TTC28: variants seen among roughly 807,000 people sequenced by gnomAD.
TTC28 encodes the protein tetratricopeptide repeat protein 28.
Under a neutral mutation model 198.0 loss-of-function variants are expected in TTC28, and 61 were observed. The ratio of observed to expected loss-of-function variants is 0.31; its 90% CI spans 0.25 to 0.38. The LOEUF is 0.38. TTC28 is among the 10% of genes least tolerant of loss of function. The pLI is 1.00. For missense variants in TTC28, 2,678 were observed against 3,164.0 expected (o/e 0.85, Z 3.69); for synonymous variants, 1,171 against 1,297.8 (o/e 0.90, Z 2.10).
intron 2 of TTC28, among the ~76,000 whole-genome samples, chr22:28,552,605 G>A (rs764951112): frequency 6.6e-6 from 1 of 152,090 alleles, no homozygotes; most frequent in South Asian, 2.1e-4. Flanking sequence ...CTTTGGCAAA[G>A]TAAACAAAAA....
chr22:28,567,391 A>C (rs1265224100), intron 2 of TTC28, among the ~76,000 whole-genome samples: 1 of 145,892 alleles, frequency 6.9e-6, no homozygotes, highest in Admixed American at 6.9e-5. Flanking sequence ...CCTGTCTCAA[A>C]AAAAAAAAGA....
At chr22:28,317,535 G>A (rs1252421416) in intron 2 of TTC28, among the ~76,000 whole-genome samples, 4 of 152,062 alleles carry the variant, frequency 2.6e-5, no homozygotes, top group East Asian at 1.9e-4. Context: ...CTTCATATGC[G>A]CCACTGAGTG....
At chr22:28,669,564 C>A (rs977599493) in intron 1 of TTC28, among the ~76,000 whole-genome samples, 1 of 152,114 alleles carries the variant, frequency 6.6e-6, no homozygotes, top group Non-Finnish European at 1.5e-5. Flanking sequence ...GAGAACTGGT[C>A]AAAGGGAAGA....
chr22:28,458,182 T>A (rs1293090746), intron 2 of TTC28, among the ~76,000 whole-genome samples: 1 of 152,114 alleles, frequency 6.6e-6, no homozygotes, highest in Non-Finnish European at 1.5e-5. Flanking sequence ...GTTTTAAAGT[T>A]TGACTTCAAA....
intron 5 of TTC28, among the ~76,000 whole-genome samples, chr22:28,242,761 T>A (rs1441268066): frequency 1.3e-5 from 2 of 152,138 alleles, no homozygotes; most frequent in South Asian, 4.1e-4. Flanking sequence ...CTGGATTAAA[T>A]AAGTTTCAAT....
At chr22:28,475,196 A>G (rs1380227796) in intron 2 of TTC28, among the ~76,000 whole-genome samples, 3 of 150,596 alleles carry the variant, frequency 2.0e-5, no homozygotes, top group Non-Finnish European at 4.4e-5. Context: ...AGAAAGAAAG[A>G]TTAATAAAAA....
intron 2 of TTC28, among the ~76,000 whole-genome samples, chr22:28,344,450 G>C (rs2045877349): frequency 6.6e-6 from 1 of 151,944 alleles, no homozygotes. Context: ...GACACCACTA[G>C]CCAAATCCAA....
chr22:27,994,928 A>G (rs1601493696), intron 17 of TTC28, among the ~76,000 whole-genome samples: 1 of 152,262 alleles, frequency 6.6e-6, no homozygotes, highest in East Asian at 1.9e-4. Flanking sequence ...ACAGGGTAAC[A>G]GTGGAGAGGG....
intron 5 of TTC28, among the ~76,000 whole-genome samples, chr22:28,189,561 T>C (rs1008485688): frequency 6.9e-6 from 1 of 145,874 alleles, no homozygotes. Context: ...TTCTACGCAA[T>C]GAAAAAAAAA....
intron 12 of TTC28, among the ~76,000 whole-genome samples, chr22:28,076,242 A>G (rs1476072799): frequency 1.3e-5 from 2 of 152,218 alleles, no homozygotes; most frequent in Non-Finnish European, 2.9e-5. Flanking sequence ...ACCTATAATG[A>G]TAATTTTAAA....
intron 3 of TTC28, among the ~76,000 whole-genome samples, chr22:28,302,640 G>C (rs1423375962): frequency 1.3e-5 from 2 of 152,110 alleles, no homozygotes; most frequent in Non-Finnish European, 2.9e-5. Context: ...AATCTTTTGG[G>C]GGAAGAAGCC....
chr22:28,060,687 G>A (rs969976455), intron 12 of TTC28, among the ~76,000 whole-genome samples: 35 of 152,062 alleles, frequency 2.3e-4, no homozygotes, highest in Non-Finnish European at 4.9e-4. Context: ...CTTCCACAAT[G>A]GTTGAACTAG....
chr22:28,025,503 C>T (rs933462224), intron 13 of TTC28, among the ~76,000 whole-genome samples: 1 of 152,134 alleles, frequency 6.6e-6, no homozygotes, highest in Admixed American at 6.5e-5. Flanking sequence ...AGCAGATGGC[C>T]GGCCTACACT....
At chr22:28,226,286 A>G (rs1388008634) in intron 5 of TTC28, among the ~76,000 whole-genome samples, 3 of 152,178 alleles carry the variant, frequency 2.0e-5, no homozygotes, top group Non-Finnish European at 2.9e-5. Context: ...TAGTTCTTCC[A>G]TATCCTTGTC....
chr22:28,488,775 T>C (rs2048340918), intron 2 of TTC28, among the ~76,000 whole-genome samples: 1 of 152,080 alleles, frequency 6.6e-6, no homozygotes, highest in African/African-American at 2.4e-5. Context: ...GTGCAAATCC[T>C]CCCTGAAATA....
At chr22:28,564,435 C>G (rs2049939098) in intron 2 of TTC28, among the ~76,000 whole-genome samples, 1 of 152,148 alleles carries the variant, frequency 6.6e-6, no homozygotes, top group Non-Finnish European at 1.5e-5. Flanking sequence ...TTTTCCACCA[C>G]TAAATTCAGA....
At chr22:28,039,047 T>C (rs1413387222) in intron 12 of TTC28, among the ~76,000 whole-genome samples, 5 of 152,198 alleles carry the variant, frequency 3.3e-5, no homozygotes, top group South Asian at 2.1e-4. Flanking sequence ...TGTGGAGATA[T>C]AGGAACACCT....
intron 1 of TTC28, among the ~76,000 whole-genome samples, chr22:28,632,075 T>C (rs1378323582): frequency 6.6e-6 from 1 of 151,742 alleles, no homozygotes; most frequent in Admixed American, 6.6e-5. Context: ...CTCAAAGAAG[T>C]ATTTTTATTA....
At chr22:28,557,350 T>A (rs887433359) in intron 2 of TTC28, among the ~76,000 whole-genome samples, 3 of 152,216 alleles carry the variant, frequency 2.0e-5, no homozygotes, top group Non-Finnish European at 4.4e-5. Flanking sequence ...TGTCATATAT[T>A]CCATTTCTCT....
Sources: allele counts gnomAD v4.1 joint callset (sites outside exome capture counted in the v4.1 genomes callset), GRCh38; gene constraint gnomAD v4.1.1; transcripts MANE v1.5; gene names NCBI Gene and HGNC (gene_info 2026-07-23, HGNC 2026-07-21).